The following NCOA3 variants were observed in gnomAD, a reference collection of about 807,000 sequenced individuals.
NCOA3 encodes the protein CBP-interacting protein.
Under a neutral mutation model 158.8 loss-of-function variants are expected in NCOA3, and 51 were observed. That is an observed-to-expected ratio of 0.32 (90% CI 0.26 to 0.41). NCOA3 has a LOEUF of 0.41. Ranked by LOEUF, NCOA3 falls within the 10% of genes least tolerant of loss-of-function variation. NCOA3 has a pLI of 1.00. For synonymous variants in NCOA3, 537 were observed against 592.4 expected, an observed-to-expected ratio of 0.91 and a Z score of 1.36; for missense variants, 1,510 against 1,746.6, an observed-to-expected ratio of 0.86 and a Z score of 2.41.
intron 2 of NCOA3, among the ~76,000 whole-genome samples, chr20:47,586,981 A>G (rs547950276): frequency 6.6e-6 from 1 of 152,282 alleles, no homozygotes; most frequent in South Asian, 2.1e-4. Flanking sequence ...GCCAAGCAAT[A>G]AGCAGCTTGT....
In NCOA3 at chr20:47,655,552, A is replaced by C. The variant is rs2086857870; in HGVS notation, c.*2135A>C. Reference sequence around the variant, plus strand: ...TGAGTTTGCCCTCTTTCCCCTACCAAGTTCAAAATATATCTAAGAAAGATT... The same window carrying C: ...TGAGTTTGCCCTCTTTCCCCTACCACGTTCAAAATATATCTAAGAAAGATT... On this transcript the variant is annotated 3_prime_UTR_variant, in exon 23 of 23. Transcript: ENST00000371998. 3 of 152,614 alleles carry C rather than the reference A, an allele frequency of 2.0e-5. No individual in the cohort carries two copies. The South Asian group carries it at 6.2e-4, about 32-fold the overall frequency. The allele number at this position is 152,614 out of a possible 1,614,324, so 9.5% of individuals were successfully genotyped here. A position where few individuals can be genotyped will look rare whatever the true frequency, so the allele number is the denominator to read the frequency against.
chr20:47,595,804 C>T (rs1161296886), intron 2 of NCOA3, among the ~76,000 whole-genome samples: 1 of 151,822 alleles, frequency 6.6e-6, no homozygotes, highest in African/African-American at 2.4e-5. Flanking sequence ...CTTTCGATGT[C>T]TCAGTGTTTT....
chr20:47,533,816 C>G (rs1057359360), intron 1 of NCOA3, among the ~76,000 whole-genome samples: 51 of 152,142 alleles, frequency 3.4e-4, no homozygotes, highest in African/African-American at 1.2e-3. Flanking sequence ...TCCTAGCTTA[C>G]TGGGGAGGCT....
intron 1 of NCOA3, among the ~76,000 whole-genome samples, chr20:47,553,984 A>G (rs1036864704): frequency 9.9e-5 from 15 of 152,198 alleles, no homozygotes; most frequent in African/African-American, 1.9e-4. Flanking sequence ...ACCGACTTCC[A>G]CAATGGTTGA....
intron 1 of NCOA3, among the ~76,000 whole-genome samples, chr20:47,531,614 G>A (rs1242399569): frequency 6.6e-6 from 1 of 152,138 alleles, no homozygotes; most frequent in African/African-American, 2.4e-5. Context: ...TCCCTTCCCT[G>A]TGATCTGCTC....
intron 1 of NCOA3, among the ~76,000 whole-genome samples, chr20:47,557,150 A>G (rs1376808979): frequency 6.6e-6 from 1 of 152,108 alleles, no homozygotes; most frequent in South Asian, 2.1e-4. Flanking sequence ...TGAAAGTCAA[A>G]TTTTTTGGGT....
At chr20:47,525,743 CGGCTGGCCGGGCGGGGGGCTG>C (rs2084427877) in intron 1 of NCOA3, among the ~76,000 whole-genome samples, 1 of 105,686 alleles carries the variant, frequency 9.5e-6, no homozygotes, top group Non-Finnish European at 1.8e-5. Context: ...CCGGAGGGGG[CGGCTGGCCGGGCGGGGGGCTG>C]ACCCCCCCCA....
intron 1 of NCOA3, among the ~76,000 whole-genome samples, chr20:47,513,765 T>C (rs2084186479): frequency 6.8e-6 from 1 of 146,496 alleles, no homozygotes; most frequent in South Asian, 2.2e-4. Flanking sequence ...CAACTGTAAA[T>C]CAAACTGATA....
chr20:47,630,045 T>C (rs1022119534), intron 8 of NCOA3, among the ~76,000 whole-genome samples: 2 of 152,258 alleles, frequency 1.3e-5, no homozygotes, highest in East Asian at 3.8e-4. Flanking sequence ...TTTTATCTTC[T>C]GTCCCTGATG....
At chr20:47,573,694 T>C (rs1197437202) in intron 1 of NCOA3, among the ~76,000 whole-genome samples, 2 of 152,184 alleles carry the variant, frequency 1.3e-5, no homozygotes, top group African/African-American at 4.8e-5. Context: ...CCCACAGGTG[T>C]CTTGGGGAGA....
rs2076547 is a variant in NCOA3 at position 47,639,650 on chromosome 20, C to T, written c.2781C>T (p.Ala927=). ...ACTGGGGCTTACCAAACTCAAAGGC[C>T]GGCAGAATGGAACCTATGAATTCAA... The part of the protein sequence containing the change: ...SGDWGLPNSK[A]GRMEPMNSNS... The change falls in exon 15 of 23, where the codon GCC becomes GCT. Residue 927 remains alanine, a synonymous_variant. Coordinates refer to ENST00000371998, the MANE Select transcript of NCOA3 (RefSeq NM_181659.3). The T allele has an allele frequency of 0.011, 17,196 of 1,613,798 alleles. 970 individuals carry two copies. The African/African-American group carries it at 0.15, about 14-fold the overall frequency.
chr20:47,637,665 T>A lies in NCOA3; in HGVS notation c.2394T>A (p.Asp798Glu). 2.5e-6 allele frequency: 4 copies of A among 1,605,346 alleles called. No individual in the cohort carries two copies. Among genetic ancestry groups the A allele is most frequent in the Non-Finnish European group, 3.4e-6 (4 of 1,176,994 alleles). The change falls in exon 13 of 23, where the codon GAT becomes GAA. Residue 798 changes from aspartate to glutamate, a missense_variant. Asp to Glu is a conservative substitution (Grantham distance 45). Coordinates refer to ENST00000371998, the MANE Select transcript of NCOA3 (RefSeq NM_181659.3). The stretch of plus-strand genomic sequence containing the variant: ...ATTTTCAGGGATCTGGAGACTTGGA[T>A]AATCTAGATGCTATTCTTGGTGATC... ...ETSEEGSGDL[D>E]NLDAILGDLT...
Position 47,639,589 on chromosome 20 carries a change from G to A in NCOA3, c.2720G>A (p.Arg907Gln), listed in dbSNP as rs747268479. Residue 907 changes from arginine (R) to glutamine (Q), a missense_variant, in exon 15 of 23, where the codon CGA (arginine) becomes CAA (glutamine). Transcript: ENST00000371998. ...CTACCTGTTTTAGGTGGGCCAAACC[G>A]AAATGTGACTGTGACTCAGACTCCT... ...NYGSSMGGPNRNVTVTQTPSS... is the reference protein window; with the variant it reads ...NYGSSMGGPNQNVTVTQTPSS... 1.2e-5 allele frequency: 19 copies of A among 1,613,368 alleles called. No individual in the cohort carries two copies. Among genetic ancestry groups the A allele is most frequent in the Admixed American group, 3.3e-5 (2 of 60,000 alleles).
intron 2 of NCOA3, among the ~76,000 whole-genome samples, chr20:47,605,085 C>G (rs1448414039): frequency 6.6e-6 from 1 of 152,210 alleles, no homozygotes; most frequent in East Asian, 1.9e-4. Flanking sequence ...CCAGGATGGT[C>G]TCGATCTCTT....
intron 2 of NCOA3, among the ~76,000 whole-genome samples, chr20:47,594,788 ATTTTTTTTTTT>A (rs768342979): frequency 2.0e-5 from 2 of 102,416 alleles, no homozygotes; most frequent in African/African-American, 3.8e-5. Flanking sequence ...AGAATACCTG[ATTTTTTTTTTT>A]TTTTTTTTTT....
Position 47,653,568 on chromosome 20 carries a change from G to A in NCOA3, c.*151G>A, listed in dbSNP as rs1302009745. On this transcript the variant is annotated 3_prime_UTR_variant, in exon 23 of 23. Coordinates refer to ENST00000371998, the MANE Select transcript of NCOA3 (RefSeq NM_181659.3). The stretch of plus-strand genomic sequence containing the variant: ...GGGTATTTTAAGTGATGTCATTTGA[G>A]CAGGACTGGATTTTAAGCCGAAGGG... The A allele has an allele frequency of 1.1e-6, 1 of 931,278 alleles. No individual in the cohort carries two copies. Among genetic ancestry groups the A allele is most frequent in the Non-Finnish European group, 1.7e-6 (1 of 598,140 alleles). The allele number at this position is 931,278 out of a possible 1,614,324, so 57.7% of individuals were successfully genotyped here. A position where few individuals can be genotyped will look rare whatever the true frequency, so the allele number is the denominator to read the frequency against.
intron 1 of NCOA3, among the ~76,000 whole-genome samples, chr20:47,566,404 G>A (rs1323356093): frequency 2.6e-5 from 4 of 152,254 alleles, no homozygotes; most frequent in East Asian, 3.9e-4. Context: ...TGGAACAGTC[G>A]TGTGGTTGGT....
chr20:47,636,213 A>T lies in NCOA3; in HGVS notation c.1827A>T (p.Gln609His). ...KESSVEGAEN[Q>H]RGPLESKGHK... ...GCAGTGTTGAGGGGGCAGAGAATCAAAGGGGTCCTTTGGAAAGCAAAGGTC... is the reference window on the plus strand; with the variant it reads ...GCAGTGTTGAGGGGGCAGAGAATCATAGGGGTCCTTTGGAAAGCAAAGGTC... Residue 609 changes from glutamine to histidine, a missense_variant, in exon 12 of 23, where the codon CAA becomes CAT. This residue lies in a region of NCOA3 where 1,017 missense variants were observed against 1,098.3 expected (regional missense o/e 0.93). Coordinates refer to ENST00000371998, the MANE Select transcript of NCOA3 (RefSeq NM_181659.3). 1.2e-6 allele frequency: 2 copies of T among 1,614,200 alleles called. No individual in the cohort carries two copies. Among genetic ancestry groups the T allele is most frequent in the Non-Finnish European group, 1.7e-6 (2 of 1,180,022 alleles).
intron 1 of NCOA3, among the ~76,000 whole-genome samples, chr20:47,558,217 C>G (rs906625266): frequency 8.1e-5 from 12 of 147,270 alleles, no homozygotes; most frequent in Admixed American, 6.8e-5. Context: ...CACCTCCACG[C>G]CCAGCTAATT....
Sources: gnomAD v4.1 joint callset for allele counts (sites outside exome capture counted in the v4.1 genomes callset) on GRCh38, gnomAD v4.1.1 for gene constraint, gnomAD v4.1.1 regional missense constraint, MANE v1.5 for transcripts, NCBI Gene and HGNC (gene_info 2026-07-23, HGNC 2026-07-21) for gene names.